The following SPIRE1 variants were observed in gnomAD, a reference collection of about 807,000 sequenced individuals.
SPIRE1 encodes the protein protein spire homolog 1.
In SPIRE1, 40 loss-of-function variants were observed where a neutral mutation model predicts 94.1. The observed-to-expected ratio is 0.43, with a 90% CI of 0.33 to 0.55. SPIRE1 has a LOEUF of 0.55. Among genes scored for constraint, SPIRE1 ranks in the 20% least tolerant of loss-of-function variants. The pLI is 0.06. For missense variants in SPIRE1, 838 were observed against 975.2 expected, an observed-to-expected ratio of 0.86 and a Z score of 1.87; for synonymous variants, 376 against 371.7, an observed-to-expected ratio of 1.01 and a Z score of -0.13.
At chr18:12,608,454 T>C (rs1468319783) in intron 2 of SPIRE1, among the ~76,000 whole-genome samples, 1 of 152,198 alleles carries the variant, frequency 6.6e-6, no homozygotes, top group Admixed American at 6.5e-5. Context: ...GACATTTAGG[T>C]AGATTCCACC....
chr18:12,526,056 TACACACACACAC>T (rs56263373), intron 4 of SPIRE1, among the ~76,000 whole-genome samples: 18,312 of 122,648 alleles, frequency 0.15, 1,490 homozygotes, highest in East Asian at 0.36. Context: ...ATACTGAAGA[TACACACACACAC>T]ACACACACAC....
intron 2 of SPIRE1, among the ~76,000 whole-genome samples, chr18:12,552,712 C>T (rs567843258): frequency 3.9e-5 from 6 of 152,074 alleles, no homozygotes; most frequent in African/African-American, 1.2e-4. Flanking sequence ...TCACGTACCC[C>T]CTGCTTGCTC....
rs574766761 is a variant in SPIRE1, at chr18:12,515,481, C to T, written c.730-2950G>A. ...CAAGTGAGCTAAGATCACACCACTG[C>T]ACTCCAACCTGGGCGACAGAGAGAA... On this transcript the variant is annotated intron_variant, in intron 4 of 16. Transcript: ENST00000409402. 5.3e-5 allele frequency among the ~76,000 whole-genome samples: 8 copies of T among 152,212 alleles called. No homozygotes were observed. The East Asian group carries it at 1.2e-3, about 22-fold the overall frequency.
chr18:12,626,659 G>A (rs1344321302), intron 2 of SPIRE1, among the ~76,000 whole-genome samples: 1 of 150,206 alleles, frequency 6.7e-6, no homozygotes, highest in African/African-American at 2.4e-5. Flanking sequence ...TGCAGATACA[G>A]GCTGAATAAA....
chr18:12,612,023 A>C (rs1397062466), intron 2 of SPIRE1, among the ~76,000 whole-genome samples: 1 of 151,978 alleles, frequency 6.6e-6, no homozygotes, highest in Non-Finnish European at 1.5e-5. Flanking sequence ...CTTTACAAAA[A>C]AATGCCTCAG....
intron 2 of SPIRE1, among the ~76,000 whole-genome samples, chr18:12,564,787 C>A (rs1325068575): frequency 6.6e-6 from 1 of 152,088 alleles, no homozygotes; most frequent in Non-Finnish European, 1.5e-5. Flanking sequence ...CTCCAGGGGA[C>A]CTGGTCAGAG....
intron 2 of SPIRE1, among the ~76,000 whole-genome samples, chr18:12,589,387 C>T (rs1001442444): frequency 6.6e-6 from 1 of 152,040 alleles, no homozygotes; most frequent in Non-Finnish European, 1.5e-5. Context: ...GGACCACCAC[C>T]CAGGTACTAA....
chr18:12,621,004 G>A (rs946596550), intron 2 of SPIRE1, among the ~76,000 whole-genome samples: 3 of 152,196 alleles, frequency 2.0e-5, no homozygotes, highest in Non-Finnish European at 4.4e-5. Context: ...GCAGTGAGCT[G>A]TGATTGTGCC....
In SPIRE1 at chr18:12,454,475, G is replaced by A. The variant is rs1568179226; in HGVS notation, c.1647C>T (p.Phe549=). 1 of 1,613,620 alleles carries A rather than the reference G, an allele frequency of 6.2e-7. No individual in the cohort carries two copies. The highest frequency in any genetic ancestry group is 8.5e-7 in the Non-Finnish European group (1 of 1,179,954). The change falls in exon 13 of 17, where the codon TTC becomes TTT. Residue 549 remains phenylalanine (F), a synonymous_variant. Transcript: ENST00000409402. ...SRQSSRSLEE[F]CYPVECLALT... ...GAGCGAGGCATTCCACTGGGTAGCA[G>A]AATTCCTCCTGAAATTCAAAATGTC...
chr18:12,528,928 T>C (rs2034603619), intron 4 of SPIRE1, among the ~76,000 whole-genome samples: 2 of 152,182 alleles, frequency 1.3e-5, no homozygotes. Context: ...TACACTGGGA[T>C]ATAACAGTGA....
intron 1 of SPIRE1, 124 bp downstream of exon 1, chr18:12,657,406 G>A: frequency 1.3e-6 from 1 of 787,792 alleles, no homozygotes; most frequent in Non-Finnish European, 1.7e-6. Context: ...GGATCCTCCC[G>A]GGGGTCTCCC....
intron 2 of SPIRE1, among the ~76,000 whole-genome samples, chr18:12,549,857 C>A (rs2035298670): frequency 2.0e-5 from 3 of 152,250 alleles, no homozygotes; most frequent in South Asian, 4.1e-4. Flanking sequence ...AATATCAACA[C>A]CAGCGATGGC....
intron 6 of SPIRE1, 132 bp downstream of exon 6, chr18:12,506,345 G>T: frequency 1.3e-6 from 1 of 759,144 alleles, no homozygotes; most frequent in East Asian, 2.5e-5. Flanking sequence ...TTTTGGTACA[G>T]ACAGGGATTC....
chr18:12,551,487 G>A (rs2035346840), intron 2 of SPIRE1, among the ~76,000 whole-genome samples: 2 of 152,266 alleles, frequency 1.3e-5, no homozygotes, highest in South Asian at 4.1e-4. Flanking sequence ...AGATCACGAG[G>A]TCGGGAGATT....
Position 12,479,876 on chromosome 18 carries a change from T to TA in SPIRE1, c.1232-6dup. Reference sequence around the variant, plus strand: ...TAGATTCAGGGGTAGTCACATCTGGTAAAAAAGCAAAAGCTTACCTTTTCT... The same window carrying TA: ...TAGATTCAGGGGTAGTCACATCTGGTAAAAAAAGCAAAAGCTTACCTTTTCT... On this transcript the variant is annotated splice_polypyrimidine_tract_variant and splice_region_variant and intron_variant, in intron 9 of 16. Coordinates refer to ENST00000409402, the MANE Select transcript of SPIRE1 (RefSeq NM_001128626.2). 6.2e-7 allele frequency: 1 copy of TA among 1,610,004 alleles called. No homozygotes were observed. The highest frequency in any genetic ancestry group is 2.2e-5 in the East Asian group (1 of 44,860).
intron 10 of SPIRE1, among the ~76,000 whole-genome samples, chr18:12,475,916 A>T (rs1376981070): frequency 6.6e-6 from 1 of 152,142 alleles, no homozygotes; most frequent in Non-Finnish European, 1.5e-5. Flanking sequence ...CCACATGGAG[A>T]ATTGTCTTTA....
At chr18:12,600,948 C>T (rs1281556366) in intron 2 of SPIRE1, among the ~76,000 whole-genome samples, 1 of 152,050 alleles carries the variant, frequency 6.6e-6, no homozygotes, top group Admixed American at 6.5e-5. Context: ...TCTCAAACTC[C>T]TGGGCTCAAG....
At chr18:12,452,642 T>C (rs1679807026) in intron 14 of SPIRE1, 130 bp from the exon 15 acceptor site, 1 of 921,656 alleles carries the variant, frequency 1.1e-6, no homozygotes, top group Non-Finnish European at 1.7e-6. Context: ...TCTATTAGAA[T>C]GTAACAAATT....
At chr18:12,622,838 G>T (rs1472772107) in intron 2 of SPIRE1, among the ~76,000 whole-genome samples, 1 of 152,110 alleles carries the variant, frequency 6.6e-6, no homozygotes, top group African/African-American at 2.4e-5. Flanking sequence ...TGTTCTGTCA[G>T]TTTCAAAAAC....
Sources: allele counts gnomAD v4.1 joint callset (sites outside exome capture counted in the v4.1 genomes callset), GRCh38; gene constraint gnomAD v4.1.1; transcripts MANE v1.5; gene names NCBI Gene and HGNC (gene_info 2026-07-23, HGNC 2026-07-21).